TNS3: variants seen among roughly 807,000 people sequenced by gnomAD.
The protein encoded by TNS3 is tensin-3.
In TNS3, 45 loss-of-function variants were observed where a neutral mutation model predicts 140.9. The observed-to-expected ratio is 0.32, with a 90% CI of 0.25 to 0.41. The LOEUF (loss-of-function observed/expected upper bound fraction) is 0.41. Among genes scored for constraint, TNS3 ranks in the 10% least tolerant of loss-of-function variants. The probability of loss-of-function intolerance (pLI) is 1.00; values close to 1 mark genes in which losing one functional copy is unlikely to be tolerated. For missense variants in TNS3, 1,716 were observed against 1,906.7 expected (o/e 0.90, Z 1.86); for synonymous variants, 815 against 788.4 (o/e 1.03, Z -0.56).
intron 20 of TNS3, among the ~76,000 whole-genome samples, chr7:47,326,497 G>A (rs776456435): frequency 6.6e-6 from 1 of 152,016 alleles, no homozygotes; most frequent in African/African-American, 2.4e-5. Flanking sequence ...GAAGGCACAG[G>A]TACTCTGGGA....
At chr7:47,546,073 C>G (rs539566298) in intron 1 of TNS3, among the ~76,000 whole-genome samples, 1 of 152,340 alleles carries the variant, frequency 6.6e-6, no homozygotes, top group South Asian at 2.1e-4. Context: ...TAGCCTGGAG[C>G]CTCCCCCAGG....
rs192662753 is a variant in TNS3 at position 47,569,751 on chromosome 7, G to A, written c.-265+12300C>T. On this transcript the variant is annotated intron_variant, in intron 1 of 30. Coordinates refer to ENST00000311160, the MANE Select transcript of TNS3 (RefSeq NM_022748.12). ...CATCTGTAATCCCAGCTACTTGGGA[G>A]GCTGAGGCAGGAGAATCACTTGAAC... 1.8e-3 allele frequency among the ~76,000 whole-genome samples: 275 copies of A among 152,090 alleles called. 1 individual carries two copies. The highest frequency in any genetic ancestry group is 6.4e-3 in the African/African-American group (266 of 41,484).
intron 1 of TNS3, among the ~76,000 whole-genome samples, chr7:47,531,292 A>G (rs565610812): frequency 2.5e-4 from 38 of 152,316 alleles, no homozygotes; most frequent in African/African-American, 8.4e-4. Flanking sequence ...AAAACAAAAT[A>G]CTGAAAGAAA....
chr7:47,452,560 C>T (rs1385258800), intron 4 of TNS3, among the ~76,000 whole-genome samples: 1 of 152,184 alleles, frequency 6.6e-6, no homozygotes, highest in African/African-American at 2.4e-5. Flanking sequence ...ATCCTGCCTC[C>T]CTGGCCAGGA....
chr7:47,394,534 A>G (rs1235688380), intron 16 of TNS3, among the ~76,000 whole-genome samples: 1 of 152,268 alleles, frequency 6.6e-6, no homozygotes, highest in Non-Finnish European at 1.5e-5. Context: ...GAATGGGCTG[A>G]GAGGGCCTCA....
At chr7:47,431,172 T>C (rs1238591318) in intron 8 of TNS3, among the ~76,000 whole-genome samples, 2 of 152,176 alleles carry the variant, frequency 1.3e-5, no homozygotes, top group Non-Finnish European at 2.9e-5. Context: ...GATTTAGAAA[T>C]ATCTTGGGAG....
chr7:47,560,705 C>T (rs1386548722), intron 1 of TNS3, among the ~76,000 whole-genome samples: 1 of 152,216 alleles, frequency 6.6e-6, no homozygotes, highest in South Asian at 2.1e-4. Context: ...CCCCACCTCT[C>T]AGCACCCCTA....
intron 4 of TNS3, among the ~76,000 whole-genome samples, chr7:47,469,247 T>C (rs1796846341): frequency 6.6e-6 from 1 of 152,166 alleles, no homozygotes; most frequent in Non-Finnish European, 1.5e-5. Context: ...TGGGAGCTAA[T>C]TAAACTAAAG....
rs1162671975 is a variant in TNS3 at position 47,303,716 on chromosome 7, G to A, written c.2823-132C>T. On this transcript the variant is annotated intron_variant, in intron 21 of 30. Transcript: ENST00000311160. ...TGAGGCCCTCCAGGCAGCACAGGAG[G>A]TATTTTCCAAAATATGTACACTAAG... The A allele has an allele frequency of 2.7e-6, 3 of 1,116,126 alleles. No individual in the cohort carries two copies. The Admixed American group carries it at 8.6e-5, about 32-fold the overall frequency. 69.1% of individuals were successfully genotyped at this position (1,116,126 alleles called of 1,614,324 possible). A position where few individuals can be genotyped will look rare whatever the true frequency, so the allele number is the denominator to read the frequency against.
chr7:47,557,031 C>G (rs949651183), intron 1 of TNS3: 5 of 456,584 alleles, frequency 1.1e-5, no homozygotes, highest in Non-Finnish European at 1.8e-5. Context: ...AGCAACAGAA[C>G]CTGACCTGTG....
At position 47,344,983 on chromosome 7, in the gene TNS3, C is replaced by T; in HGVS notation, c.2507G>A (p.Ser836Asn). The stretch of plus-strand genomic sequence containing the variant: ...AGTTGAACACATGGACTCCTTGCTA[C>T]TTAAAATTCTGCCATCGATAATATC... Reference protein sequence around the residue: ...DLDIIDGRILSSKESMCSTPA... With the variant: ...DLDIIDGRILNSKESMCSTPA... The change falls in exon 19 of 31, where the codon AGT becomes AAT. Residue 836 changes from serine (S) to asparagine (N), a missense_variant. By Grantham distance (46) the Ser-to-Asn change is conservative. Around this residue, in one of 3 missense-constraint regions of TNS3, gnomAD observed 1,163 missense variants for 1,182.1 expected, o/e 0.98. Coordinates refer to ENST00000311160, the MANE Select transcript of TNS3 (RefSeq NM_022748.12). The T allele has an allele frequency of 1.2e-6, 2 of 1,614,248 alleles. No individual in the cohort carries two copies. Among genetic ancestry groups the T allele is most frequent in the Non-Finnish European group, 1.7e-6 (2 of 1,180,052 alleles).
At chr7:47,344,096 T>C (rs1296090767) in intron 20 of TNS3, among the ~76,000 whole-genome samples, 1 of 152,104 alleles carries the variant, frequency 6.6e-6, no homozygotes, top group Non-Finnish European at 1.5e-5. Context: ...GATTTTGAAA[T>C]GTGCACGAGC....
rs563669258 is a variant in TNS3 at position 47,525,724 on chromosome 7, G to A, written c.-153+3312C>T. Reference sequence around the variant, plus strand: ...TGCACACACATGCAATCACAGGTGTGTGCACTGCTTGTCCTCATATGCATG... The same window carrying A: ...TGCACACACATGCAATCACAGGTGTATGCACTGCTTGTCCTCATATGCATG... On this transcript the variant is annotated intron_variant, in intron 2 of 30. Coordinates refer to ENST00000311160, the MANE Select transcript of TNS3 (RefSeq NM_022748.12). 4.5e-4 allele frequency among the ~76,000 whole-genome samples: 69 copies of A among 152,004 alleles called. No individual in the cohort carries two copies. The South Asian group carries it at 0.013, about 28-fold the overall frequency.
intron 20 of TNS3, among the ~76,000 whole-genome samples, chr7:47,312,961 C>T (rs996120191): frequency 1.3e-5 from 2 of 152,098 alleles, no homozygotes; most frequent in Non-Finnish European, 2.9e-5. Context: ...CTACACCAGC[C>T]GGAGAACGGA....
intron 1 of TNS3, among the ~76,000 whole-genome samples, chr7:47,563,063 AGC>A: frequency 6.6e-6 from 1 of 152,286 alleles, no homozygotes; most frequent in Middle Eastern, 3.4e-3. Context: ...TGTCCCTAAC[AGC>A]GAAGCTAGGC....
intron 16 of TNS3, 26 bp from the exon 17 acceptor site, chr7:47,369,647 G>T: frequency 2.0e-6 from 3 of 1,528,494 alleles, no homozygotes; most frequent in Non-Finnish European, 1.8e-6. Flanking sequence ...CCGGAGAGAG[G>T]CTTTCAGTCA....
intron 1 of TNS3, among the ~76,000 whole-genome samples, chr7:47,529,576 T>A (rs934523125): frequency 2.0e-5 from 3 of 152,276 alleles, no homozygotes; most frequent in Non-Finnish European, 4.4e-5. Flanking sequence ...AATTATGTTA[T>A]GAGGAAGTCA....
chr7:47,319,358 A>G (rs1345681887), intron 20 of TNS3, among the ~76,000 whole-genome samples: 2 of 152,212 alleles, frequency 1.3e-5, no homozygotes, highest in East Asian at 1.9e-4. Flanking sequence ...GGAAGCTGGC[A>G]TCACATGGTG....
At chr7:47,390,274 G>A (rs905274783) in intron 16 of TNS3, among the ~76,000 whole-genome samples, 4 of 152,246 alleles carry the variant, frequency 2.6e-5, no homozygotes, top group Non-Finnish European at 4.4e-5. Flanking sequence ...TGTCTGGGGA[G>A]GAAAGTTTTC....
Sources: gnomAD v4.1 joint callset for allele counts (sites outside exome capture counted in the v4.1 genomes callset) on GRCh38, gnomAD v4.1.1 for gene constraint, gnomAD v4.1.1 regional missense constraint, MANE v1.5 for transcripts, NCBI Gene and HGNC (gene_info 2026-07-23, HGNC 2026-07-21) for gene names.